The following UBAC2 variants were observed in gnomAD, a reference collection of about 807,000 sequenced individuals.
UBAC2 encodes the protein ubiquitin-associated domain-containing protein 2.
In UBAC2, 26 loss-of-function variants were observed where a neutral mutation model predicts 44.0. The observed-to-expected ratio is 0.59, with a 90% CI of 0.43 to 0.82. The LOEUF (loss-of-function observed/expected upper bound fraction) is 0.82. UBAC2 is among the 40% of genes least tolerant of loss of function. UBAC2 has a pLI of 0.00. For missense variants in UBAC2, 329 were observed against 419.4 expected, an observed-to-expected ratio of 0.78 and a Z score of 1.88; for synonymous variants, 155 against 154.3, an observed-to-expected ratio of 1.00 and a Z score of -0.04.
At chr13:99,377,593 C>T (rs959686777) in intron 8 of UBAC2, 1 of 152,204 alleles carries the variant, frequency 6.6e-6, no homozygotes, top group African/African-American at 2.4e-5. Context: ...ATATAGTCAT[C>T]AGAGTTGTGT....
rs1269840402 is a variant in UBAC2 at position 99,340,552 on chromosome 13, A to G, written c.794A>G (p.Gln265Arg). The G allele has an allele frequency of 6.2e-7, 1 of 1,613,600 alleles. No individual in the cohort carries two copies. The highest frequency in any genetic ancestry group is 1.7e-5 in the Admixed American group (1 of 59,998). The change falls in exon 7 of 9, where the codon CAG becomes CGG. Residue 265 changes from glutamine to arginine, a missense_variant. By Grantham distance (43) the Gln-to-Arg change is conservative. Coordinates refer to ENST00000403766, the MANE Select transcript of UBAC2 (RefSeq NM_001144072.2). ...TCTCAGTTTGCACAAGGGAGGCGAC[A>G]GAGACAGCAGCAGGTAAAAGTGATA... ...MFSQFAQGRRQRQQQGGMINW... is the reference protein window; with the variant it reads ...MFSQFAQGRRRRQQQGGMINW...
intron 5 of UBAC2, among the ~76,000 whole-genome samples, chr13:99,317,514 C>T (rs1401789114): frequency 5.9e-5 from 9 of 152,196 alleles, no homozygotes; most frequent in Non-Finnish European, 1.0e-4. Flanking sequence ...AGAATATCAA[C>T]ACTTGAGAAA....
chr13:99,375,448 G>C (rs2065680240), intron 8 of UBAC2, among the ~76,000 whole-genome samples: 1 of 152,206 alleles, frequency 6.6e-6, no homozygotes, highest in African/African-American at 2.4e-5. Context: ...GGGCGAGGCA[G>C]GCCCAGCACA....
chr13:99,306,178 G>A (rs937556223), intron 4 of UBAC2, among the ~76,000 whole-genome samples: 7 of 152,154 alleles, frequency 4.6e-5, no homozygotes, highest in African/African-American at 1.7e-4. Flanking sequence ...TTACAGGAGT[G>A]AGCCACCACA....
At chr13:99,336,793 T>C (rs2044794791) in intron 6 of UBAC2, among the ~76,000 whole-genome samples, 1 of 152,204 alleles carries the variant, frequency 6.6e-6, no homozygotes, top group South Asian at 2.1e-4. Context: ...AATTGTGATA[T>C]ACAACACAAA....
chr13:99,241,882 C>G (rs527596201), intron 2 of UBAC2, among the ~76,000 whole-genome samples: 1 of 148,230 alleles, frequency 6.7e-6, no homozygotes, highest in Non-Finnish European at 1.5e-5. Context: ...GAGGACCCTG[C>G]GGCCTTCCGC....
chr13:99,290,306 G>A (rs868795620), intron 4 of UBAC2, among the ~76,000 whole-genome samples: 7 of 152,160 alleles, frequency 4.6e-5, no homozygotes, highest in South Asian at 2.1e-4. Flanking sequence ...TAATCTGCTG[G>A]CTTCTGGTAC....
At chr13:99,287,643 C>CTTTTTTTTTTTT (rs11304203) in intron 4 of UBAC2, among the ~76,000 whole-genome samples, 4 of 95,150 alleles carry the variant, frequency 4.2e-5, no homozygotes, top group East Asian at 3.2e-4. Context: ...TTTTTTCTTT[C>CTTTTTTTTTTTT]TTTTTTTTTT....
At chr13:99,268,256 A>G (rs1407213878) in intron 4 of UBAC2, among the ~76,000 whole-genome samples, 1 of 152,188 alleles carries the variant, frequency 6.6e-6, no homozygotes, top group Non-Finnish European at 1.5e-5. Flanking sequence ...CAGAAGAACA[A>G]TAGCTCTAAC....
At chr13:99,317,946 TAG>T (rs2044514694) in intron 5 of UBAC2, 74 bp from the exon 6 acceptor site, 1 of 1,173,626 alleles carries the variant, frequency 8.5e-7, no homozygotes, top group African/African-American at 1.6e-5. Flanking sequence ...GTCATGACTA[TAG>T]TTATGTAAAA....
chr13:99,230,374 G>A (rs906515009), intron 1 of UBAC2, among the ~76,000 whole-genome samples: 1 of 152,078 alleles, frequency 6.6e-6, no homozygotes, highest in Non-Finnish European at 1.5e-5. Context: ...GCTGAGGGAC[G>A]AGAATTGCTT....
intron 7 of UBAC2, among the ~76,000 whole-genome samples, chr13:99,359,308 C>G (rs2045231998): frequency 1.3e-5 from 2 of 152,218 alleles, no homozygotes; most frequent in South Asian, 4.1e-4. Flanking sequence ...AAATACCAGA[C>G]TATGAGCTTC....
At chr13:99,349,298 T>C (rs902120272) in intron 7 of UBAC2, among the ~76,000 whole-genome samples, 2 of 152,250 alleles carry the variant, frequency 1.3e-5, no homozygotes, top group African/African-American at 4.8e-5. Context: ...CACTGGCCCC[T>C]GACACACAGC....
intron 6 of UBAC2, among the ~76,000 whole-genome samples, chr13:99,339,605 ATCT>A (rs2044853071): frequency 6.6e-6 from 1 of 151,860 alleles, no homozygotes; most frequent in African/African-American, 2.4e-5. Context: ...TTCTAATCTG[ATCT>A]TCTAATCCTA....
At chr13:99,213,329 A>G (rs1000114992) in intron 1 of UBAC2, among the ~76,000 whole-genome samples, 1 of 151,388 alleles carries the variant, frequency 6.6e-6, no homozygotes, top group Admixed American at 6.6e-5. Context: ...TGCTGGGATT[A>G]TAGGCATGAG....
At chr13:99,338,026 CCTAA>C (rs1216547549) in intron 6 of UBAC2, among the ~76,000 whole-genome samples, 2 of 125,690 alleles carry the variant, frequency 1.6e-5, no homozygotes, top group Admixed American at 8.2e-5. Flanking sequence ...AAAAAAATCT[CCTAA>C]CTTTTTTTCT....
chr13:99,250,894 C>T (rs1254200162), intron 4 of UBAC2, among the ~76,000 whole-genome samples: 1 of 151,912 alleles, frequency 6.6e-6, no homozygotes, highest in African/African-American at 2.4e-5. Context: ...TTACAGGCGC[C>T]CACCACCATG....
chr13:99,328,628 C>T (rs978844524), intron 6 of UBAC2, among the ~76,000 whole-genome samples: 13 of 152,000 alleles, frequency 8.6e-5, no homozygotes, highest in South Asian at 8.3e-4. Context: ...GCTTAGTGGT[C>T]ATTTTCATAT....
At chr13:99,325,776 G>A (rs2044634202) in intron 6 of UBAC2, among the ~76,000 whole-genome samples, 1 of 152,130 alleles carries the variant, frequency 6.6e-6, no homozygotes, top group Non-Finnish European at 1.5e-5. Flanking sequence ...TCATATAAGT[G>A]GAATCATGCA....
Sources: gnomAD v4.1 joint callset for allele counts (sites outside exome capture counted in the v4.1 genomes callset) on GRCh38, gnomAD v4.1.1 for gene constraint, MANE v1.5 for transcripts, NCBI Gene and HGNC (gene_info 2026-07-23, HGNC 2026-07-21) for gene names.